Variants in LRMDA observed in about 807,000 individuals in gnomAD.
The protein encoded by LRMDA is leucine rich melanocyte differentiation associated, also known as leucine-rich melanocyte differentiation-associated protein.
Under a neutral mutation model 29.8 loss-of-function variants are expected in LRMDA, and 18 were observed. The ratio of observed to expected loss-of-function variants is 0.60; its 90% CI spans 0.42 to 0.90. LRMDA has a LOEUF of 0.90. LRMDA is among the 40% of genes least tolerant of loss of function. The pLI is 0.00. For synonymous variants in LRMDA, 125 were observed against 109.4 expected (o/e 1.14, Z -0.89); for missense variants, 273 against 273.9 (o/e 1.00, Z 0.02).
intron 6 of LRMDA, among the ~76,000 whole-genome samples, chr10:76,426,644 T>G (rs1842129322): frequency 6.6e-6 from 1 of 152,264 alleles, no homozygotes; most frequent in African/African-American, 2.4e-5. Flanking sequence ...TTGTTGCCAT[T>G]GCTTTTGGTG....
At position 75,824,251 on chromosome 10, in the gene LRMDA, T is replaced by A. The variant is rs146710837; in HGVS notation, c.132-211757T>A. ...TACCTGTTTCTTTTTGCCTTTTTAA[T>A]GTAGCTACTAGAAACATTTAAATTA... On this transcript the variant is annotated intron_variant, in intron 2 of 6. Transcript: ENST00000611255. Among the ~76,000 whole-genome samples the A allele has an allele frequency of 1.5e-4, 23 of 152,368 alleles. No homozygotes were observed. In the East Asian group the frequency reaches 4.2e-3, roughly 28 times the overall value.
At chr10:75,502,612 C>T (rs994050065) in intron 2 of LRMDA, among the ~76,000 whole-genome samples, 2 of 152,200 alleles carry the variant, frequency 1.3e-5, no homozygotes, top group African/African-American at 4.8e-5. Context: ...ATCCTGGCCT[C>T]AGGGCCTGGT....
At chr10:75,860,461 A>G (rs1444102447) in intron 2 of LRMDA, among the ~76,000 whole-genome samples, 1 of 151,872 alleles carries the variant, frequency 6.6e-6, no homozygotes, top group Non-Finnish European at 1.5e-5. Context: ...ATCCGGGATT[A>G]AAGGTTTGCA....
chr10:76,121,026 T>A (rs1273859389), intron 5 of LRMDA, among the ~76,000 whole-genome samples: 1 of 151,894 alleles, frequency 6.6e-6, no homozygotes, highest in African/African-American at 2.4e-5. Flanking sequence ...GGAGATGGGG[T>A]TTCACCGGAT....
chr10:76,211,767 C>T (rs1474449966), intron 5 of LRMDA, among the ~76,000 whole-genome samples: 3 of 152,164 alleles, frequency 2.0e-5, no homozygotes, highest in African/African-American at 7.2e-5. Flanking sequence ...AAGAGCAATT[C>T]CTTAGTTTGT....
chr10:76,180,328 C>A (rs1181776507), intron 5 of LRMDA, among the ~76,000 whole-genome samples: 1 of 148,556 alleles, frequency 6.7e-6, no homozygotes, highest in Non-Finnish European at 1.5e-5. Context: ...CACTGTCACC[C>A]CGGCTGGAGT....
intron 6 of LRMDA, among the ~76,000 whole-genome samples, chr10:76,430,368 G>C (rs550475522): frequency 6.6e-6 from 1 of 152,296 alleles, no homozygotes; most frequent in African/African-American, 2.4e-5. Flanking sequence ...AACAGTAAAA[G>C]CATCTTTTGT....
chr10:76,413,127 A>C (rs1841980299), intron 6 of LRMDA, among the ~76,000 whole-genome samples: 1 of 151,772 alleles, frequency 6.6e-6, no homozygotes, highest in African/African-American at 2.4e-5. Flanking sequence ...TTCTTCTCAC[A>C]TCCCTTAATT....
intron 6 of LRMDA, among the ~76,000 whole-genome samples, chr10:76,325,838 A>G (rs544582734): frequency 6.6e-6 from 1 of 152,366 alleles, no homozygotes; most frequent in Admixed American, 6.5e-5. Context: ...GGCAAATATC[A>G]TCTGTCATTT....
chr10:76,511,301 C>T (rs1472601642), intron 6 of LRMDA, among the ~76,000 whole-genome samples: 4 of 152,006 alleles, frequency 2.6e-5, no homozygotes, highest in East Asian at 3.9e-4. Flanking sequence ...TTAGGGCTCC[C>T]GTGTACAGGC....
chr10:75,806,015 C>T (rs764119692), intron 2 of LRMDA, among the ~76,000 whole-genome samples: 5 of 152,056 alleles, frequency 3.3e-5, no homozygotes, highest in Admixed American at 6.6e-5. Context: ...TGGCTTCTAG[C>T]GAGGCCTCAG....
chr10:76,170,151 G>A (rs796823969), intron 5 of LRMDA, among the ~76,000 whole-genome samples: 5 of 152,270 alleles, frequency 3.3e-5, no homozygotes, highest in African/African-American at 1.2e-4. Flanking sequence ...GATCAGGGCT[G>A]GAAAAGTAGG....
intron 6 of LRMDA, among the ~76,000 whole-genome samples, chr10:76,469,336 C>A (rs1218193406): frequency 1.3e-5 from 2 of 152,126 alleles, no homozygotes; most frequent in African/African-American, 4.8e-5. Flanking sequence ...TGAGGTCAGC[C>A]AAGAAGTCAG....
intron 6 of LRMDA, among the ~76,000 whole-genome samples, chr10:76,409,665 T>C (rs530122510): frequency 6.6e-6 from 1 of 152,334 alleles, no homozygotes; most frequent in Admixed American, 6.5e-5. Context: ...TTTTATGTTA[T>C]ATATCTCCAT....
chr10:75,667,229 C>CG (rs1048693683), intron 2 of LRMDA, among the ~76,000 whole-genome samples: 3 of 151,994 alleles, frequency 2.0e-5, no homozygotes, highest in African/African-American at 7.3e-5. Context: ...AACCCCCCCC[C>CG]CCAAGTAAGA....
At chr10:76,489,491 T>C (rs191388084) in intron 6 of LRMDA, among the ~76,000 whole-genome samples, 7 of 152,084 alleles carry the variant, frequency 4.6e-5, no homozygotes, top group African/African-American at 1.7e-4. Flanking sequence ...TTTTGTATTG[T>C]TTTTGCATTT....
intron 5 of LRMDA, among the ~76,000 whole-genome samples, chr10:76,264,259 G>T (rs1227119627): frequency 2.6e-5 from 4 of 151,624 alleles, no homozygotes; most frequent in Non-Finnish European, 5.9e-5. Flanking sequence ...AATTAGTCAG[G>T]CATGGTGGTA....
intron 6 of LRMDA, among the ~76,000 whole-genome samples, chr10:76,413,668 A>T (rs993077237): frequency 6.6e-6 from 1 of 152,288 alleles, no homozygotes; most frequent in Middle Eastern, 3.4e-3. Flanking sequence ...AAACTAAAAA[A>T]TAGTATAAAA....
intron 5 of LRMDA, among the ~76,000 whole-genome samples, chr10:76,124,755 G>A (rs542667826): frequency 6.6e-6 from 1 of 152,382 alleles, no homozygotes; most frequent in East Asian, 1.9e-4. Flanking sequence ...CCACGTCTCT[G>A]AGAAGGACTC....
Sources: gnomAD v4.1 joint callset for allele counts (sites outside exome capture counted in the v4.1 genomes callset) on GRCh38, gnomAD v4.1.1 for gene constraint, MANE v1.5 for transcripts, NCBI Gene and HGNC (gene_info 2026-07-23, HGNC 2026-07-21) for gene names.